Variants in RTN1 observed in about 807,000 individuals in gnomAD.
RTN1 encodes the protein reticulon 1.
Under a neutral mutation model 65.5 loss-of-function variants are expected in RTN1, and 25 were observed. The observed-to-expected ratio is 0.38, with a 90% CI of 0.28 to 0.53. RTN1 has a LOEUF of 0.53. Ranked by LOEUF, RTN1 falls within the 20% of genes least tolerant of loss-of-function variation. The pLI is 0.79. For synonymous variants in RTN1, 471 were observed against 447.6 expected (o/e 1.05, Z -0.66); for missense variants, 983 against 1,025.4 (o/e 0.96, Z 0.57).
In RTN1 at chr14:59,829,029, C is replaced by T. The variant is rs1887080959; in HGVS notation, c.241+41361G>A. Among the ~76,000 whole-genome samples, 1 of 152,176 alleles carries T rather than the reference C, an allele frequency of 6.6e-6. No homozygotes were observed. The highest frequency in any genetic ancestry group is 2.4e-5 in the African/African-American group (1 of 41,444). ...ACTATATCCTTGGATGATCCCACTGCTCAATACTGAAGCAGCTGAATAATG... is the reference window on the plus strand; with the variant it reads ...ACTATATCCTTGGATGATCCCACTGTTCAATACTGAAGCAGCTGAATAATG... On this transcript the variant is annotated intron_variant, in intron 1 of 8. Transcript: ENST00000267484. This position sits in a 1 kb window ranked among gnomAD's most constrained non-coding sequence, Gnocchi z 4.3.
At chr14:59,688,715 T>C (rs1883898189) in intron 3 of RTN1, among the ~76,000 whole-genome samples, 2 of 151,888 alleles carry the variant, frequency 1.3e-5, no homozygotes, top group South Asian at 4.2e-4. Flanking sequence ...CAAAATATAC[T>C]ACCCAGCCTT....
rs1342202887 is a variant in RTN1 at position 59,800,557 on chromosome 14, C to T, written c.242-54076G>A. 1.1e-4 allele frequency among the ~76,000 whole-genome samples: 17 copies of T among 152,040 alleles called. No individual in the cohort carries two copies. In the East Asian group the frequency reaches 1.5e-3, roughly 14 times the overall value. ...CTGGGACTACAGGCGCCCACCACCA[C>T]GCCTGGCTAACTTCTTACATTTTTA... is the stretch of plus-strand genomic sequence containing the variant. On this transcript the variant is annotated intron_variant, in intron 1 of 8. Coordinates refer to ENST00000267484, the MANE Select transcript of RTN1 (RefSeq NM_021136.3).
intron 1 of RTN1, among the ~76,000 whole-genome samples, chr14:59,851,533 A>AT (rs754730654): frequency 1.2e-3 from 175 of 151,730 alleles, no homozygotes; most frequent in Non-Finnish European, 1.8e-3. Flanking sequence ...TAAAAATATG[A>AT]TTTTTTTTTG....
intron 1 of RTN1, among the ~76,000 whole-genome samples, chr14:59,797,447 C>T (rs895224503): frequency 3.3e-5 from 5 of 152,166 alleles, no homozygotes; most frequent in Non-Finnish European, 5.9e-5. Flanking sequence ...TAGCAGTCTT[C>T]TGTCCTGTAA....
chr14:59,609,285 CA>C (rs71451071), intron 3 of RTN1, among the ~76,000 whole-genome samples: 2,929 of 130,974 alleles, frequency 0.022, 84 homozygotes, highest in African/African-American at 0.075. Context: ...ACTCTGTCTC[CA>C]AAAAAAAAAA....
intron 1 of RTN1, among the ~76,000 whole-genome samples, chr14:59,810,256 G>A (rs1461971653): frequency 6.6e-6 from 1 of 152,162 alleles, no homozygotes; most frequent in African/African-American, 2.4e-5. Flanking sequence ...AGGTTGATCA[G>A]GTTCACTAGT....
chr14:59,641,507 TTA>T (rs1007718657), intron 3 of RTN1, among the ~76,000 whole-genome samples: 1 of 152,048 alleles, frequency 6.6e-6, no homozygotes, highest in Admixed American at 6.6e-5. Context: ...ATAGCTGGGA[TTA>T]CAGGTGCATA....
chr14:59,789,192 T>C (rs1038846472), intron 1 of RTN1, among the ~76,000 whole-genome samples: 1 of 152,114 alleles, frequency 6.6e-6, no homozygotes, highest in Admixed American at 6.6e-5. Context: ...TCTCAAGTTT[T>C]CTTGATATGC....
At chr14:59,622,110 C>A (rs887033626) in intron 3 of RTN1, among the ~76,000 whole-genome samples, 1 of 152,036 alleles carries the variant, frequency 6.6e-6, no homozygotes, top group African/African-American at 2.4e-5. Flanking sequence ...CTGAGGCGGG[C>A]GGATCATCTG....
intron 1 of RTN1, among the ~76,000 whole-genome samples, chr14:59,788,320 C>A (rs1044728291): frequency 6.6e-6 from 1 of 152,154 alleles, no homozygotes; most frequent in Admixed American, 6.6e-5. Flanking sequence ...AAAGAATGCA[C>A]TGATTTGCAC....
At chr14:59,599,679 C>T (rs1881518469) in intron 8 of RTN1, among the ~76,000 whole-genome samples, 1 of 152,164 alleles carries the variant, frequency 6.6e-6, no homozygotes, top group East Asian at 1.9e-4. Flanking sequence ...AAGTCCATCT[C>T]ATCTCAGGGT....
intron 3 of RTN1, among the ~76,000 whole-genome samples, chr14:59,650,932 G>A (rs1883007254): frequency 6.6e-6 from 1 of 151,950 alleles, no homozygotes; most frequent in African/African-American, 2.4e-5. Flanking sequence ...CAGTACTTTG[G>A]GACTGAGTTG....
At chr14:59,611,587 T>A (rs1284353112) in intron 3 of RTN1, among the ~76,000 whole-genome samples, 1 of 152,040 alleles carries the variant, frequency 6.6e-6, no homozygotes, top group Non-Finnish European at 1.5e-5. Flanking sequence ...TCGTGGAGTG[T>A]CTGTTTCTAG....
chr14:59,702,523 T>C (rs757983453), intron 3 of RTN1, among the ~76,000 whole-genome samples: 5 of 152,216 alleles, frequency 3.3e-5, no homozygotes, highest in Non-Finnish European at 5.9e-5. Context: ...TCTCTAGGGC[T>C]GCTGAAACCC....
At chr14:59,694,106 C>G (rs1435811436) in intron 3 of RTN1, among the ~76,000 whole-genome samples, 2 of 152,198 alleles carry the variant, frequency 1.3e-5, no homozygotes, top group Non-Finnish European at 2.9e-5. Context: ...TACCACCTTT[C>G]AGCAAAGGGT....
intron 3 of RTN1, among the ~76,000 whole-genome samples, chr14:59,681,927 C>T (rs1178534703): frequency 1.3e-5 from 2 of 152,180 alleles, no homozygotes; most frequent in Non-Finnish European, 2.9e-5. Context: ...TTTAGACCCT[C>T]GTCACTGCTC....
chr14:59,782,656 T>C (rs1886177896), intron 1 of RTN1, among the ~76,000 whole-genome samples: 1 of 152,176 alleles, frequency 6.6e-6, no homozygotes, highest in Non-Finnish European at 1.5e-5. Flanking sequence ...ATGGATAGGG[T>C]AGAACAATGC....
chr14:59,834,827 T>C (rs1395959220), intron 1 of RTN1, among the ~76,000 whole-genome samples: 1 of 152,210 alleles, frequency 6.6e-6, no homozygotes, highest in African/African-American at 2.4e-5. Context: ...CCTATTAGAA[T>C]GGCCAAAATC....
At chr14:59,863,652 T>C (rs1247282464) in intron 1 of RTN1, among the ~76,000 whole-genome samples, 2 of 152,114 alleles carry the variant, frequency 1.3e-5, no homozygotes, top group East Asian at 1.9e-4. Context: ...CAACTCCCAA[T>C]GTATATAAGC....
Sources: gnomAD v4.1 joint callset for allele counts (sites outside exome capture counted in the v4.1 genomes callset) on GRCh38, gnomAD v4.1.1 for gene constraint, Gnocchi (gnomAD v3.1) non-coding constraint, MANE v1.5 for transcripts, NCBI Gene and HGNC (gene_info 2026-07-23, HGNC 2026-07-21) for gene names.